The following CRYBG3 variants were observed in gnomAD, a reference collection of about 807,000 sequenced individuals.
The protein encoded by CRYBG3 is crystallin beta-gamma domain containing 3, also known as very large A-kinase anchor protein.
In CRYBG3, 127 loss-of-function variants were observed where a neutral mutation model predicts 244.2. The observed-to-expected ratio is 0.52, with a 90% CI of 0.45 to 0.60. The LOEUF (loss-of-function observed/expected upper bound fraction) is 0.60. Among genes scored for constraint, CRYBG3 ranks in the 20% least tolerant of loss-of-function variants. The probability of loss-of-function intolerance (pLI) is 0.00; values close to 1 mark genes in which losing one functional copy is unlikely to be tolerated. For synonymous variants in CRYBG3, 1,132 were observed against 1,195.8 expected (o/e 0.95, Z 1.10); for missense variants, 3,325 against 3,442.5 (o/e 0.97, Z 0.85).
chr3:97,937,431 C>T (rs1177817892), intron 19 of CRYBG3, among the ~76,000 whole-genome samples: 2 of 152,102 alleles, frequency 1.3e-5, no homozygotes, highest in Non-Finnish European at 2.9e-5. Context: ...CATCAAAGTA[C>T]AGAGTGGTTT....
chr3:97,910,469 C>T (rs13092921), intron 15 of CRYBG3, among the ~76,000 whole-genome samples: 36,672 of 152,118 alleles, frequency 0.24, 4,759 homozygotes, highest in Middle Eastern at 0.33. Context: ...TTTTTAAGCC[C>T]GCCGGAAAAG....
intron 1 of CRYBG3, among the ~76,000 whole-genome samples, chr3:97,841,407 C>G (rs567290336): frequency 1.3e-5 from 2 of 151,570 alleles, no homozygotes; most frequent in Non-Finnish European, 2.9e-5. Context: ...TAGCGGTATC[C>G]GTTTGGTCCA....
intron 12 of CRYBG3, among the ~76,000 whole-genome samples, chr3:97,897,480 A>G (rs2039652495): frequency 6.6e-6 from 1 of 151,918 alleles, no homozygotes; most frequent in Admixed American, 6.6e-5. Flanking sequence ...ATTGTTCCTT[A>G]TTCTCAAGCA....
chr3:97,904,383 A>G (rs1353015073), intron 15 of CRYBG3, among the ~76,000 whole-genome samples: 1 of 152,182 alleles, frequency 6.6e-6, no homozygotes, highest in Non-Finnish European at 1.5e-5. Flanking sequence ...CATCAAATCA[A>G]GAGATACTTT....
chr3:97,849,857 TATATC>T (rs1315892782), intron 2 of CRYBG3, among the ~76,000 whole-genome samples: 4 of 152,292 alleles, frequency 2.6e-5, no homozygotes, highest in East Asian at 1.9e-4. Flanking sequence ...CTGAAATACT[TATATC>T]ATAACAGGAG....
chr3:97,895,102 C>G (rs1005526530), intron 11 of CRYBG3, among the ~76,000 whole-genome samples: 4 of 152,134 alleles, frequency 2.6e-5, no homozygotes, highest in Admixed American at 1.3e-4. Context: ...TTCAAATTTC[C>G]CAACCCTGGA....
chr3:97,888,942 G>T (rs997624116), intron 9 of CRYBG3, among the ~76,000 whole-genome samples: 1 of 152,128 alleles, frequency 6.6e-6, no homozygotes, highest in African/African-American at 2.4e-5. Flanking sequence ...ATAATTGTAG[G>T]GAAGACCTTT....
chr3:97,842,988 A>G (rs1000086957), intron 1 of CRYBG3, among the ~76,000 whole-genome samples: 1 of 152,220 alleles, frequency 6.6e-6, no homozygotes, highest in Non-Finnish European at 1.5e-5. Context: ...CAATGAGTTC[A>G]CACAAATATC....
At chr3:97,868,976 G>A (rs1173540649) in intron 3 of CRYBG3, among the ~76,000 whole-genome samples, 2 of 151,580 alleles carry the variant, frequency 1.3e-5, no homozygotes, top group African/African-American at 4.9e-5. Context: ...CCTGTTGACA[G>A]TAGGTTTTAG....
rs1169737421 is a variant in CRYBG3 at position 97,941,185 on chromosome 3, G to A, written c.8543G>A (p.Gly2848Asp). 6.2e-7 allele frequency: 1 copy of A among 1,611,602 alleles called. No individual in the cohort carries two copies. The highest frequency in any genetic ancestry group is 1.7e-5 in the Admixed American group (1 of 59,822). The change falls in exon 20 of 22, where the codon GGT (glycine) becomes GAT (aspartate). Residue 2848 changes from glycine to aspartate, a missense_variant. This residue lies in a region of CRYBG3 where 714 missense variants were observed against 803.6 expected (regional missense o/e 0.89). Transcript: ENST00000389622. ...ATCAGAATAAAGAACCGTGCCCAGG[G>A]TGAATATCTGACAGTCACTGGAAGT... ...VYIRIKNRAQ[G>D]EYLTVTGSLA...
chr3:97,883,021 C>T (rs895991979), intron 7 of CRYBG3, among the ~76,000 whole-genome samples: 3 of 152,052 alleles, frequency 2.0e-5, no homozygotes, highest in Non-Finnish European at 4.4e-5. Flanking sequence ...ATGTGAGAAG[C>T]GTTCTCCAGG....
chr3:97,911,403 T>C (rs561763082), intron 15 of CRYBG3, among the ~76,000 whole-genome samples: 73 of 152,298 alleles, frequency 4.8e-4, no homozygotes, highest in Middle Eastern at 6.8e-3. Flanking sequence ...TTGCAGATTA[T>C]TATATATCTG....
rs2039444094 is a variant in CRYBG3, at chr3:97,881,274, A to G, written c.7152+55A>G. On this transcript the variant is annotated intron_variant, in intron 7 of 21. Coordinates refer to ENST00000389622, the MANE Select transcript of CRYBG3 (RefSeq NM_153605.4). The stretch of plus-strand genomic sequence containing the variant: ...TTTGATTTTATTTATCATATAGTAA[A>G]CCTGTGCTGTGGCCTGGCGATGTTT... 3 of 1,277,504 alleles carry G rather than the reference A, an allele frequency of 2.3e-6. No individual in the cohort carries two copies. The African/African-American group carries it at 4.6e-5, about 20-fold the overall frequency. 79.1% of individuals were successfully genotyped at this position (1,277,504 alleles called of 1,614,324 possible). A position where few individuals can be genotyped will look rare whatever the true frequency, so the allele number is the denominator to read the frequency against.
intron 17 of CRYBG3, among the ~76,000 whole-genome samples, chr3:97,919,462 A>G (rs1396185187): frequency 2.0e-5 from 3 of 152,162 alleles, no homozygotes; most frequent in South Asian, 2.1e-4. Context: ...GAAAAATTAC[A>G]TGACTAATAA....
At chr3:97,869,398 T>C (rs1486010718) in intron 3 of CRYBG3, among the ~76,000 whole-genome samples, 2 of 152,164 alleles carry the variant, frequency 1.3e-5, no homozygotes, top group Admixed American at 1.3e-4. Flanking sequence ...TTTTCCATAT[T>C]GCATGTAACA....
chr3:97,915,491 G>C, intron 16 of CRYBG3, 119 bp from the exon 17 acceptor site: 4 of 949,684 alleles, frequency 4.2e-6, no homozygotes, highest in Non-Finnish European at 6.1e-6. Context: ...AAGCTGGTGT[G>C]GTGGTGCTCT....
intron 2 of CRYBG3, among the ~76,000 whole-genome samples, chr3:97,852,754 C>T (rs944118100): frequency 2.6e-5 from 4 of 152,132 alleles, no homozygotes; most frequent in African/African-American, 9.7e-5. Flanking sequence ...AACCTCCATA[C>T]TGTTTTCCAT....
chr3:97,899,497 G>A (rs1426736654), intron 14 of CRYBG3, among the ~76,000 whole-genome samples: 1 of 152,178 alleles, frequency 6.6e-6, no homozygotes, highest in Non-Finnish European at 1.5e-5. Context: ...TTTATTTAGT[G>A]TCTCTGATGT....
chr3:97,884,628 A>G (rs188571942), intron 7 of CRYBG3, among the ~76,000 whole-genome samples: 2 of 152,274 alleles, frequency 1.3e-5, no homozygotes, highest in East Asian at 1.9e-4. Context: ...AGGTTACTTT[A>G]AAGTGGCTTG....
Sources: allele counts gnomAD v4.1 joint callset (sites outside exome capture counted in the v4.1 genomes callset), GRCh38; gene constraint gnomAD v4.1.1; regional missense constraint gnomAD v4.1.1; transcripts MANE v1.5; gene names NCBI Gene and HGNC (gene_info 2026-07-23, HGNC 2026-07-21).